EMSY: variants seen among roughly 807,000 people sequenced by gnomAD.
The protein encoded by EMSY is BRCA2-interacting transcriptional repressor EMSY.
Under a neutral mutation model 134.6 loss-of-function variants are expected in EMSY, and 26 were observed. That is an observed-to-expected ratio of 0.19 (90% CI 0.14 to 0.27). The LOEUF is 0.27. EMSY is among the 10% of genes least tolerant of loss of function. The pLI is 1.00. For synonymous variants in EMSY, 579 were observed against 577.8 expected (o/e 1.00, Z -0.03); for missense variants, 1,305 against 1,611.4 (o/e 0.81, Z 3.26).
chr11:76,480,641 G>T (rs1196804072), intron 8 of EMSY, among the ~76,000 whole-genome samples: 1 of 151,962 alleles, frequency 6.6e-6, no homozygotes, highest in Non-Finnish European at 1.5e-5. Flanking sequence ...AGCCGAATAG[G>T]AACAGCTCTG....
chr11:76,490,710 G>A (rs1014188778), intron 8 of EMSY, among the ~76,000 whole-genome samples: 13 of 152,276 alleles, frequency 8.5e-5, no homozygotes, highest in African/African-American at 3.1e-4. Context: ...GGGAAAACAT[G>A]TCTTTTAGGT....
intron 14 of EMSY, among the ~76,000 whole-genome samples, chr11:76,530,401 TC>T (rs1451235778): frequency 6.6e-6 from 1 of 152,114 alleles, no homozygotes; most frequent in Admixed American, 6.6e-5. Context: ...CTTCAAGTAA[TC>T]CACCCGCCTC....
intron 9 of EMSY, among the ~76,000 whole-genome samples, chr11:76,512,211 A>G (rs145956226): frequency 6.6e-6 from 1 of 151,768 alleles, no homozygotes; most frequent in African/African-American, 2.4e-5. Context: ...CTACCAATTT[A>G]AATTTATAGT....
chr11:76,486,553 C>A (rs1453819209), intron 8 of EMSY, among the ~76,000 whole-genome samples: 1 of 152,036 alleles, frequency 6.6e-6, no homozygotes, highest in Non-Finnish European at 1.5e-5. Flanking sequence ...GCATGTCTGG[C>A]ACAACCTCTG....
At chr11:76,500,659 G>A (rs1793755095) in intron 9 of EMSY, among the ~76,000 whole-genome samples, 1 of 152,126 alleles carries the variant, frequency 6.6e-6, no homozygotes, top group Non-Finnish European at 1.5e-5. Context: ...AGTTAATAGA[G>A]TTTAACAGCT....
At chr11:76,493,981 CT>C (rs1949527734) in intron 8 of EMSY, among the ~76,000 whole-genome samples, 1 of 152,258 alleles carries the variant, frequency 6.6e-6, no homozygotes, top group South Asian at 2.1e-4. Context: ...CTTTGGGACT[CT>C]GTGGTTCTGG....
At chr11:76,472,299 T>A (rs1293178728) in intron 7 of EMSY, among the ~76,000 whole-genome samples, 1 of 152,032 alleles carries the variant, frequency 6.6e-6, no homozygotes, top group Non-Finnish European at 1.5e-5. Context: ...CCCTAAGTAG[T>A]ATGCTGAAAT....
At chr11:76,546,149 A>G (rs1477260523) in exon 20 of EMSY, 1 of 1,614,186 alleles carries the variant, frequency 6.2e-7, no homozygotes, top group Non-Finnish European at 8.5e-7. Flanking sequence ...AAATGTAGAG[A>G]GTCCTGTTCG....
At chr11:76,477,059 C>T (rs924241114) in intron 8 of EMSY, among the ~76,000 whole-genome samples, 6 of 151,660 alleles carry the variant, frequency 4.0e-5, no homozygotes, top group Non-Finnish European at 1.5e-5. Context: ...AATCCTGATT[C>T]CTAATGATTA....
At chr11:76,535,829 TG>T (rs1275272029) in intron 14 of EMSY, 65 bp from the exon 16 acceptor site, 30 of 1,167,372 alleles carry the variant, frequency 2.6e-5, no homozygotes, top group East Asian at 2.0e-4. Context: ...AAAAATTGTT[TG>T]TTTTTTTTTT....
At chr11:76,523,714 T>TTTTTTTTTTTTTTTTTC in intron 12 of EMSY, among the ~76,000 whole-genome samples, 1 of 147,824 alleles carries the variant, frequency 6.8e-6, no homozygotes, top group Non-Finnish European at 1.5e-5. Context: ...CTTTTTTTTT[T>TTTTTTTTTTTTTTTTTC]TTTTTTTTTT....
chr11:76,513,271 A>C lies in EMSY; in HGVS notation c.1364-115A>C. 3.4e-6 allele frequency: 3 copies of C among 883,996 alleles called. No homozygotes were observed. The South Asian group carries it at 9.7e-5, about 29-fold the overall frequency. The allele number at this position is 883,996 out of a possible 1,614,324, so 54.8% of individuals were successfully genotyped here. On this transcript the variant is annotated intron_variant, in intron 9 of 20. Coordinates refer to ENST00000334736, the Ensembl canonical transcript of EMSY. Reference sequence around the variant, plus strand: ...TAGAGTTTCATCAGTATTAAAAAAAACTTCTCTTTAGACAAGACTGAGTAA... The same window carrying C: ...TAGAGTTTCATCAGTATTAAAAAAACCTTCTCTTTAGACAAGACTGAGTAA...
chr11:76,447,788 G>C (rs1441214801), intron 2 of EMSY, among the ~76,000 whole-genome samples: 1 of 152,150 alleles, frequency 6.6e-6, no homozygotes, highest in African/African-American at 2.4e-5. Context: ...TTCAAATGAG[G>C]ATCTTTGGTT....
chr11:76,467,676 G>A (rs531413361), intron 7 of EMSY, among the ~76,000 whole-genome samples: 1 of 152,226 alleles, frequency 6.6e-6, no homozygotes, highest in East Asian at 1.9e-4. Flanking sequence ...TACCTCCCTT[G>A]AGCCTGTTTC....
chr11:76,523,869 A>AC (rs1328842982), intron 12 of EMSY, among the ~76,000 whole-genome samples: 1 of 151,230 alleles, frequency 6.6e-6, no homozygotes, highest in Non-Finnish European at 1.5e-5. Context: ...ACAAAGCAAG[A>AC]CCCCCACCTC....
At position 76,460,024 on chromosome 11, in the gene EMSY, AC is replaced by A. The variant is rs1948044393; in HGVS notation, c.512del (p.Pro171LeufsTer8). 1 of 1,611,960 alleles carries A rather than the reference AC, an allele frequency of 6.2e-7. No individual in the cohort carries two copies. The stretch of plus-strand genomic sequence containing the variant: ...GCATAGCAACGGTTAAGTCTCCAAG[AC>A]CTGCCAGTCCTGCCTCCAATGTAGT... On this transcript the variant is annotated frameshift_variant, in exon 6 of 21. Transcript: ENST00000334736. LOFTEE classifies it high-confidence loss of function.
At chr11:76,544,657 G>A in exon 19 of EMSY, 2 of 1,614,034 alleles carry the variant, frequency 1.2e-6, no homozygotes, top group South Asian at 1.1e-5. Context: ...CTACCTTAAT[G>A]GCACAGCCCC....
intron 12 of EMSY, among the ~76,000 whole-genome samples, chr11:76,523,804 GGAGGCT>G (rs1182007464): frequency 6.7e-6 from 1 of 149,900 alleles, no homozygotes; most frequent in East Asian, 2.0e-4. Flanking sequence ...CAGCTGGTTG[GGAGGCT>G]GAGGTGGGAG....
Position 76,477,050 on chromosome 11 carries a change from A to C in EMSY, c.1108+4210A>C, listed in dbSNP as rs79734564. Reference sequence around the variant, plus strand: ...AGGAAGGATCTTTAGGAATCAGAAAATCCTGATTCCTAATGATTAATAAAA... The same window carrying C: ...AGGAAGGATCTTTAGGAATCAGAAACTCCTGATTCCTAATGATTAATAAAA... On this transcript the variant is annotated intron_variant, in intron 8 of 20. Transcript: ENST00000334736. Among the ~76,000 whole-genome samples the C allele has an allele frequency of 2.0e-5, 3 of 152,102 alleles. No homozygotes were observed. In the East Asian group the frequency reaches 5.8e-4, roughly 29 times the overall value.
Sources: allele counts gnomAD v4.1 joint callset (sites outside exome capture counted in the v4.1 genomes callset), GRCh38; gene constraint gnomAD v4.1.1; transcripts MANE v1.5; gene names NCBI Gene and HGNC (gene_info 2026-07-23, HGNC 2026-07-21).